SQSTM1: variants seen among roughly 807,000 people sequenced by gnomAD.
SQSTM1 encodes sequestosome-1.
In SQSTM1, 36 loss-of-function variants were observed where a neutral mutation model predicts 45.1. That is an observed-to-expected ratio of 0.80 (90% confidence interval 0.61 to 1.05). The LOEUF (loss-of-function observed/expected upper bound fraction) is 1.05. Ranked by LOEUF, SQSTM1 falls within the 50% of genes least tolerant of loss-of-function variation. The pLI is 0.00. For synonymous variants in SQSTM1, 290 were observed against 244.3 expected, an observed-to-expected ratio of 1.19 and a Z score of -1.74; for missense variants, 617 against 607.1, an observed-to-expected ratio of 1.02 and a Z score of -0.17.
intron 7 of SQSTM1, among the ~76,000 whole-genome samples, chr5:179,834,166 G>GGT (rs1554091538): frequency 1.6e-4 from 21 of 132,062 alleles, no homozygotes; most frequent in Middle Eastern, 4.2e-3. Context: ...AGGGGGGGGG[G>GGT]TCATAGCCAA....
Position 179,806,594 on chromosome 5 carries a change from G to T in SQSTM1, c.-157+3G>T. The stretch of plus-strand genomic sequence containing the variant: ...ATTGCGGAGCCTCATCTCCTCGGGT[G>T]CGCGGCGGGCGCCCGCGGGGCCGAG... On this transcript the variant is annotated splice_donor_region_variant and intron_variant, in intron 1 of 5. Transcript: ENST00000514093. This position sits in a 1 kb window ranked among gnomAD's most constrained non-coding sequence, Gnocchi z 4.6. 1.6e-6 allele frequency: 2 copies of T among 1,238,346 alleles called. No individual in the cohort carries two copies. The highest frequency in any genetic ancestry group is 1.0e-6 in the Non-Finnish European group (1 of 961,404). The allele number at this position is 1,238,346 out of a possible 1,614,324, so 76.7% of individuals were successfully genotyped here.
chr5:179,831,382 C>T (rs767251596), intron 5 of SQSTM1, among the ~76,000 whole-genome samples: 1 of 152,216 alleles, frequency 6.6e-6, no homozygotes, highest in African/African-American at 2.4e-5. Flanking sequence ...AGAAGGCAGG[C>T]TGGGTGCAGT....
chr5:179,827,173 G>A (rs760334861), intron 5 of SQSTM1, among the ~76,000 whole-genome samples: 3 of 149,884 alleles, frequency 2.0e-5, no homozygotes, highest in Admixed American at 6.7e-5. Context: ...TGGGGCCTGG[G>A]ATTTGTCTGG....
intron 6 of SQSTM1, 121 bp downstream of exon 6, chr5:179,833,367 T>C (rs1047304032): frequency 2.8e-6 from 3 of 1,079,242 alleles, no homozygotes; most frequent in Non-Finnish European, 2.7e-6. Flanking sequence ...GAGCTGCTGC[T>C]GCTGCAGTGA....
At chr5:179,820,599 C>A, upstream of SQSTM1, 1 of 255,414 alleles carries the variant, frequency 3.9e-6, no homozygotes, top group Non-Finnish European at 7.5e-6. Context: ...AGGGGCTGGA[C>A]CCCCGCCAGT....
intron 6 of SQSTM1, 90 bp downstream of exon 6, chr5:179,833,336 GC>G (rs1758334963): frequency 4.6e-6 from 6 of 1,304,628 alleles, no homozygotes; most frequent in Non-Finnish European, 6.4e-6. Flanking sequence ...CACCTCTGCA[GC>G]CCCACTTACA....
chr5:179,820,719 G>A, upstream of SQSTM1: 1 of 474,348 alleles, frequency 2.1e-6, no homozygotes, highest in Non-Finnish European at 3.7e-6. Flanking sequence ...CAGCAATGAG[G>A]GGGCCGGGAG....
At chr5:179,831,903 C>T (rs1168093182) in intron 5 of SQSTM1, among the ~76,000 whole-genome samples, 1 of 151,824 alleles carries the variant, frequency 6.6e-6, no homozygotes, top group Admixed American at 6.6e-5. Context: ...TCTGCCTCGG[C>T]CTCCCGAGTA....
chr5:179,821,884 A>G (rs1340837004), intron 1 of SQSTM1, among the ~76,000 whole-genome samples: 1 of 151,958 alleles, frequency 6.6e-6, no homozygotes, highest in Non-Finnish European at 1.5e-5. Flanking sequence ...GGCCCCTGGG[A>G]GGGTGCAGTG....
chr5:179,834,423 ATTT>A (rs1758409855), intron 7 of SQSTM1, among the ~76,000 whole-genome samples: 1 of 151,408 alleles, frequency 6.6e-6, no homozygotes, highest in African/African-American at 2.4e-5. Flanking sequence ...TTATTTATTT[ATTT>A]ATTTTTATTG....
chr5:179,810,426 C>A (rs1009664001), intron 1 of SQSTM1, among the ~76,000 whole-genome samples: 2 of 152,182 alleles, frequency 1.3e-5, no homozygotes, highest in African/African-American at 4.8e-5. Flanking sequence ...TCATCCGTGT[C>A]CCTACAAAGG....
chr5:179,836,524 G>C lies in SQSTM1; in HGVS notation c.1254G>C (p.Gln418His), dbSNP rs1758564233. 2 of 1,614,200 alleles carry C rather than the reference G, an allele frequency of 1.2e-6. No homozygotes were observed. The highest frequency in any genetic ancestry group is 1.7e-5 in the Admixed American group (1 of 60,028). Residue 418 changes from glutamine to histidine, a missense_variant, in exon 8 of 8, where the codon CAG becomes CAC. Transcript: ENST00000389805. ...DEGGWLTRLL[Q>H]TKNYDIGAAL... ...GCGGCTGGCTCACCAGGCTCCTGCA[G>C]ACCAAGAACTATGACATCGGAGCGG...
chr5:179,820,973 A>G lies in SQSTM1; in HGVS notation c.37A>G (p.Lys13Glu). 6.3e-7 allele frequency: 1 copy of G among 1,575,548 alleles called. No individual in the cohort carries two copies. The highest frequency in any genetic ancestry group is 8.5e-7 in the Non-Finnish European group (1 of 1,169,614). ...SLTVKAYLLG[K>E]EDAAREIRRF... ...CACCGTGAAGGCCTACCTTCTGGGC[A>G]AGGAGGACGCGGCGCGCGAGATTCG... The change falls in exon 1 of 8, where the codon AAG (lysine) becomes GAG (glutamate). Residue 13 changes from lysine to glutamate, a missense_variant. Coordinates refer to ENST00000389805, the MANE Select transcript of SQSTM1 (RefSeq NM_003900.5).
chr5:179,812,193 C>T (rs1197911857), intron 2 of SQSTM1: 1 of 152,278 alleles, frequency 6.6e-6, no homozygotes, highest in African/African-American at 2.4e-5. Context: ...CCGCACAGAC[C>T]TCAAGGCTGT....
intron 5 of SQSTM1, among the ~76,000 whole-genome samples, chr5:179,829,817 C>G (rs1032731103): frequency 1.3e-5 from 2 of 151,882 alleles, no homozygotes; most frequent in Non-Finnish European, 2.9e-5. Context: ...TTCTTGGCAC[C>G]AGGCATGGTG....
intron 4 of SQSTM1, 148 bp from the exon 5 acceptor site, chr5:179,824,996 GGA>G (rs1757935029): frequency 2.7e-6 from 2 of 733,828 alleles, no homozygotes; most frequent in Non-Finnish European, 4.8e-6. Context: ...GTGGGAGGAA[GGA>G]GAGGGGGATG....
chr5:179,827,758 G>C (rs1758055622), intron 5 of SQSTM1, among the ~76,000 whole-genome samples: 1 of 150,628 alleles, frequency 6.6e-6, no homozygotes, highest in African/African-American at 2.5e-5. Flanking sequence ...TGGAAGTTAG[G>C]GCTAGTTTCT....
At chr5:179,835,091 TCGCGGC>T (rs1758462200) in intron 7 of SQSTM1, 1 of 199,910 alleles carries the variant, frequency 5.0e-6, no homozygotes, top group African/African-American at 2.6e-5. Context: ...CCGGATGGGG[TCGCGGC>T]CAGGCAGAGG....
intron 2 of SQSTM1, among the ~76,000 whole-genome samples, chr5:179,813,846 C>A (rs1029447934): frequency 6.6e-6 from 1 of 152,184 alleles, no homozygotes; most frequent in Non-Finnish European, 1.5e-5. Context: ...CCTGGGAGCA[C>A]AAGGGACTCA....
Sources: allele counts gnomAD v4.1 joint callset (sites outside exome capture counted in the v4.1 genomes callset), GRCh38; gene constraint gnomAD v4.1.1; non-coding constraint Gnocchi (gnomAD v3.1); transcripts MANE v1.5; gene names NCBI Gene and HGNC (gene_info 2026-07-23, HGNC 2026-07-21).